CAPN13: variants seen among roughly 807,000 people sequenced by gnomAD.
CAPN13 encodes calpain-13.
In CAPN13, 90 loss-of-function variants were observed where a neutral mutation model predicts 98.4. That is an observed-to-expected ratio of 0.92 (90% CI 0.77 to 1.09). The LOEUF (loss-of-function observed/expected upper bound fraction) is 1.09, where lower values mean the gene tolerates loss of function less well. Among genes scored for constraint, CAPN13 ranks in the 50% least tolerant of loss-of-function variants. The pLI is 0.00. For missense variants in CAPN13, 887 were observed against 841.3 expected (o/e 1.05, Z -0.67); for synonymous variants, 330 against 305.5 (o/e 1.08, Z -0.84).
In CAPN13 at chr2:30,746,702, T is replaced by C. The variant is rs761314482; in HGVS notation, c.1237-968A>G. ...AAAATTTATAAGTGGAACACGTTCC[T>C]CTTCCTTGTGTGGCCTGCCTGTTCC... On this transcript the variant is annotated intron_variant, in intron 11 of 22. Coordinates refer to ENST00000295055, the MANE Select transcript of CAPN13 (RefSeq NM_144575.3). 3.4e-4 allele frequency: 61 copies of C among 180,566 alleles called. 1 individual carries two copies. The highest frequency in any genetic ancestry group is 6.6e-4 in the Non-Finnish European group (56 of 85,174). 11.2% of individuals were successfully genotyped at this position (180,566 alleles called of 1,614,324 possible).
At chr2:30,741,484 A>G (rs547028522) in intron 15 of CAPN13, 1 of 1,029,258 alleles carries the variant, frequency 9.7e-7, no homozygotes, top group East Asian at 9.0e-5. Context: ...CTGTGTGCAC[A>G]TAGGTGGTTT....
At chr2:30,803,193 T>C (rs1295792856) in intron 1 of CAPN13, among the ~76,000 whole-genome samples, 1 of 152,228 alleles carries the variant, frequency 6.6e-6, no homozygotes, top group Admixed American at 6.5e-5. Flanking sequence ...GAAAAGAGAA[T>C]GTTTGGCGAG....
In CAPN13 at chr2:30,753,163, G is replaced by A. The variant is rs746138160; in HGVS notation, c.977C>T (p.Ala326Val). ...SCQDFQQKFI[A>V]MFICSEIPIT... ...TGGAATTTCGCTACATATAAACATGGCGATGAATTTCTGTTGGAAATCTTG... is the reference window on the plus strand; with the variant it reads ...TGGAATTTCGCTACATATAAACATGACGATGAATTTCTGTTGGAAATCTTG... The change falls in exon 10 of 23, where the codon GCC (alanine) becomes GTC (valine). Residue 326 changes from alanine (A) to valine (V), a missense_variant. Ala to Val is a moderately conservative substitution (Grantham distance 64, BLOSUM62 0). Coordinates refer to ENST00000295055, the MANE Select transcript of CAPN13 (RefSeq NM_144575.3). 63 of 1,613,886 alleles carry A rather than the reference G, an allele frequency of 3.9e-5. No homozygotes were observed. The highest frequency in any genetic ancestry group is 5.3e-5 in the Non-Finnish European group (62 of 1,179,892).
chr2:30,742,358 G>A lies in CAPN13; in HGVS notation c.1447C>T (p.His483Tyr). 1 of 1,604,288 alleles carries A rather than the reference G, an allele frequency of 6.2e-7. No individual in the cohort carries two copies. The highest frequency in any genetic ancestry group is 8.5e-7 in the Non-Finnish European group (1 of 1,175,438). The stretch of plus-strand genomic sequence containing the variant: ...CTGAGGTTGAAATGGCTGCTCAGGT[G>A]CCTAGAAAATCAGAGGACAGTGTGA... ...IFLKMPDSDR[H>Y]LSSHFNLRMK... The change falls in exon 14 of 23, where the codon CAC becomes TAC. Residue 483 changes from histidine to tyrosine, a missense_variant and splice_region_variant. Physicochemically the swap from His to Tyr is moderately conservative, Grantham distance 83 (BLOSUM62 2). Transcript: ENST00000295055.
intron 1 of CAPN13, among the ~76,000 whole-genome samples, chr2:30,793,889 A>G (rs903575272): frequency 2.6e-5 from 4 of 151,854 alleles, no homozygotes; most frequent in Non-Finnish European, 4.4e-5. Context: ...AAAAGTACAA[A>G]CAAACATGGA....
At chr2:30,775,314 T>C (rs1673627308) in intron 4 of CAPN13, among the ~76,000 whole-genome samples, 1 of 152,156 alleles carries the variant, frequency 6.6e-6, no homozygotes. Flanking sequence ...ACCACCAATA[T>C]AAATATAACA....
chr2:30,735,188 C>T (rs1671298862), intron 18 of CAPN13, among the ~76,000 whole-genome samples: 1 of 152,146 alleles, frequency 6.6e-6, no homozygotes, highest in Admixed American at 6.5e-5. Flanking sequence ...TACCTCTATC[C>T]AATTCTCTGT....
At chr2:30,731,090 C>G (rs1200176610) in intron 21 of CAPN13, among the ~76,000 whole-genome samples, 3 of 152,146 alleles carry the variant, frequency 2.0e-5, no homozygotes, top group Non-Finnish European at 2.9e-5. Context: ...CCTTCTGTTC[C>G]CTCCTGGATT....
chr2:30,783,722 CT>C (rs1674110122), intron 2 of CAPN13, among the ~76,000 whole-genome samples: 1 of 152,148 alleles, frequency 6.6e-6, no homozygotes, highest in Non-Finnish European at 1.5e-5. Context: ...ACAGGAGGAG[CT>C]TTCTCATTGT....
chr2:30,779,039 C>G (rs562719122), intron 2 of CAPN13, among the ~76,000 whole-genome samples: 1 of 152,168 alleles, frequency 6.6e-6, no homozygotes, highest in Non-Finnish European at 1.5e-5. Context: ...GAAAAGGGGA[C>G]TTAGGGTCTC....
chr2:30,779,205 G>A (rs535733666), intron 2 of CAPN13, among the ~76,000 whole-genome samples: 1 of 152,286 alleles, frequency 6.6e-6, no homozygotes, highest in African/African-American at 2.4e-5. Context: ...CTCCCCTCCA[G>A]GGATCCCCAG....
intron 2 of CAPN13, among the ~76,000 whole-genome samples, chr2:30,778,721 G>T (rs930277969): frequency 6.6e-6 from 1 of 152,130 alleles, no homozygotes; most frequent in Non-Finnish European, 1.5e-5. Context: ...GCAAACACAG[G>T]GTCCTGGCTG....
In CAPN13 at chr2:30,786,684, T is replaced by G. The variant is rs1415493027; in HGVS notation, c.198+444A>C. Among the ~76,000 whole-genome samples, 14 of 152,146 alleles carry G rather than the reference T, an allele frequency of 9.2e-5. 1 individual carries two copies. The highest frequency in any genetic ancestry group is 1.5e-5 in the Non-Finnish European group (1 of 68,036). ...GTGATTATTTAAATTCATCCTATAG[T>G]GTAAATGACTGACCTGCTATCTTCC... On this transcript the variant is annotated intron_variant, in intron 2 of 22. Transcript: ENST00000295055.
At chr2:30,763,996 C>G in intron 6 of CAPN13, 136 bp downstream of exon 6, 4 of 842,854 alleles carry the variant, frequency 4.7e-6, no homozygotes, top group Admixed American at 2.6e-5. Flanking sequence ...AATGGGGTGA[C>G]CCGGGTAAAG....
At chr2:30,749,919 T>C (rs1258395215) in intron 11 of CAPN13, among the ~76,000 whole-genome samples, 1 of 152,106 alleles carries the variant, frequency 6.6e-6, no homozygotes, top group Non-Finnish European at 1.5e-5. Flanking sequence ...TTAAATGATA[T>C]TTAAAAAAAA....
rs372191457 is a variant in CAPN13 at position 30,769,516 on chromosome 2, A to T, written c.524+797T>A. 3.9e-5 allele frequency among the ~76,000 whole-genome samples: 6 copies of T among 152,234 alleles called. No homozygotes were observed. The South Asian group carries it at 1.0e-3, about 26-fold the overall frequency. On this transcript the variant is annotated intron_variant, in intron 5 of 22. Transcript: ENST00000295055. ...TAGGACAGTGCCCTCTTCCTCACACACACACGTGCAACCCCCCATCCACAG... is the reference window on the plus strand; with the variant it reads ...TAGGACAGTGCCCTCTTCCTCACACTCACACGTGCAACCCCCCATCCACAG...
At chr2:30,774,761 T>C (rs1255897902) in intron 4 of CAPN13, among the ~76,000 whole-genome samples, 1 of 152,208 alleles carries the variant, frequency 6.6e-6, no homozygotes, top group Non-Finnish European at 1.5e-5. Context: ...CTCATTATTC[T>C]ACTTACTTCA....
At chr2:30,802,031 G>C (rs1675311825) in intron 1 of CAPN13, among the ~76,000 whole-genome samples, 1 of 152,186 alleles carries the variant, frequency 6.6e-6, no homozygotes, top group Admixed American at 6.5e-5. Flanking sequence ...AAGGACAGTA[G>C]AGCCGGCTGA....
At chr2:30,803,852 T>TG (rs761937090) in intron 1 of CAPN13, among the ~76,000 whole-genome samples, 53 of 152,328 alleles carry the variant, frequency 3.5e-4, no homozygotes, top group South Asian at 1.5e-3. Flanking sequence ...TACAAGAGGC[T>TG]GGGAGACTCC....
Sources: gnomAD v4.1 joint callset for allele counts (sites outside exome capture counted in the v4.1 genomes callset) on GRCh38, gnomAD v4.1.1 for gene constraint, MANE v1.5 for transcripts, NCBI Gene and HGNC (gene_info 2026-07-23, HGNC 2026-07-21) for gene names.